USP34: variants seen among roughly 807,000 people sequenced by gnomAD.
The protein encoded by USP34 is ubiquitin specific peptidase 34.
Under a neutral mutation model 460.3 loss-of-function variants are expected in USP34, and 70 were observed. The ratio of observed to expected loss-of-function variants is 0.15; its 90% CI spans 0.13 to 0.19. USP34 has a LOEUF of 0.19. Among genes scored for constraint, USP34 ranks in the 10% least tolerant of loss-of-function variants. USP34 has a pLI of 1.00. For synonymous variants in USP34, 1,647 were observed against 1,405.3 expected (o/e 1.17, Z -3.85); for missense variants, 3,985 against 4,236.2 (o/e 0.94, Z 1.65).
chr2:61,223,237 G>A lies in USP34; in HGVS notation c.7644+11C>T, dbSNP rs1378217573. ...GATGATCAAATTGTCTAATATTAGAGAATGTACTACCTTTCCTCCTGTTAA... is the reference window on the plus strand; with the variant it reads ...GATGATCAAATTGTCTAATATTAGAAAATGTACTACCTTTCCTCCTGTTAA... On this transcript the variant is annotated intron_variant, in intron 63 of 79. Transcript: ENST00000398571. 1 of 1,613,700 alleles carries A rather than the reference G, an allele frequency of 6.2e-7. No individual in the cohort carries two copies. Among genetic ancestry groups the A allele is most frequent in the East Asian group, 2.2e-5 (1 of 44,856 alleles).
chr2:61,400,070 A>C (rs987976256), intron 3 of USP34, among the ~76,000 whole-genome samples: 2 of 125,622 alleles, frequency 1.6e-5, no homozygotes, highest in African/African-American at 5.9e-5. Flanking sequence ...TTAAAAGAGA[A>C]AACAGAGAGA....
chr2:61,431,181 G>T (rs1017066704), intron 1 of USP34, among the ~76,000 whole-genome samples: 6 of 152,076 alleles, frequency 3.9e-5, no homozygotes, highest in African/African-American at 1.2e-4. Context: ...TAGTACTGCA[G>T]GATGACTATT....
intron 10 of USP34, among the ~76,000 whole-genome samples, chr2:61,351,304 CT>C (rs1179728434): frequency 6.6e-6 from 1 of 151,986 alleles, no homozygotes; most frequent in African/African-American, 2.4e-5. Context: ...TTATATAATG[CT>C]TTTATTTTAC....
At chr2:61,441,802 C>CAAAAAAAAAAA (rs70963429) in intron 1 of USP34, among the ~76,000 whole-genome samples, 10 of 97,332 alleles carry the variant, frequency 1.0e-4, no homozygotes, top group African/African-American at 1.2e-4. Context: ...GACTGCATTA[C>CAAAAAAAAAAA]AAAAAAAAAA....
At chr2:61,194,491 C>T (rs938449119) in intron 75 of USP34, among the ~76,000 whole-genome samples, 2 of 152,198 alleles carry the variant, frequency 1.3e-5, no homozygotes, top group Non-Finnish European at 2.9e-5. Context: ...GACTTGTGAG[C>T]TAAGAATGGC....
At chr2:61,440,557 G>A (rs536443990) in intron 1 of USP34, among the ~76,000 whole-genome samples, 9 of 143,322 alleles carry the variant, frequency 6.3e-5, no homozygotes, top group East Asian at 2.1e-4. Context: ...TGCTCTTCTC[G>A]TCCAGGCTGG....
At chr2:61,387,010 G>A (rs1427398312) in intron 5 of USP34, among the ~76,000 whole-genome samples, 1 of 152,028 alleles carries the variant, frequency 6.6e-6, no homozygotes, top group East Asian at 1.9e-4. Context: ...TACCTAAAAA[G>A]ACGTCTATCT....
At chr2:61,199,060 C>T (rs530212522) in intron 75 of USP34, among the ~76,000 whole-genome samples, 3 of 152,218 alleles carry the variant, frequency 2.0e-5, no homozygotes, top group Non-Finnish European at 4.4e-5. Context: ...AACATTTTCC[C>T]AATTAGCTGT....
intron 8 of USP34, among the ~76,000 whole-genome samples, chr2:61,372,060 T>G (rs1191795549): frequency 6.6e-6 from 1 of 151,992 alleles, no homozygotes; most frequent in Admixed American, 6.6e-5. Context: ...ATAAAATGGG[T>G]GGAAGAAAAT....
At chr2:61,246,532 T>A (rs1028263264) in intron 49 of USP34, 55 bp from the exon 50 acceptor site, 1 of 1,179,576 alleles carries the variant, frequency 8.5e-7, no homozygotes, top group African/African-American at 1.6e-5. Context: ...AACAGTTACT[T>A]AGAAACACTT....
rs573771598 is a variant in USP34 at position 61,229,464 on chromosome 2, A to C, written c.7199+84T>G. The C allele has an allele frequency of 1.2e-3, 790 of 635,486 alleles. 8 individuals carry two copies. The highest frequency in any genetic ancestry group is 0.012 in the African/African-American group (548 of 45,174). The allele number at this position is 635,486 out of a possible 1,614,324, so 39.4% of individuals were successfully genotyped here. Reference sequence around the variant, plus strand: ...TGAAGAAACCCTATCTCTTAAAAAAAAAAAAAAAAAACAAAAAAAAAAAAC... The same window carrying C: ...TGAAGAAACCCTATCTCTTAAAAAACAAAAAAAAAAACAAAAAAAAAAAAC... On this transcript the variant is annotated intron_variant, in intron 59 of 79. Coordinates refer to ENST00000398571, the MANE Select transcript of USP34 (RefSeq NM_014709.4).
At chr2:61,353,860 A>G (rs531718074) in intron 10 of USP34, among the ~76,000 whole-genome samples, 8 of 152,344 alleles carry the variant, frequency 5.3e-5, no homozygotes, top group African/African-American at 1.9e-4. Flanking sequence ...GAAATTATGG[A>G]AATGAAAGGT....
intron 29 of USP34, among the ~76,000 whole-genome samples, chr2:61,300,237 G>C (rs942053404): frequency 6.6e-6 from 1 of 152,002 alleles, no homozygotes; most frequent in Non-Finnish European, 1.5e-5. Context: ...TCACGATGAC[G>C]CAAAAGGTTT....
intron 32 of USP34, among the ~76,000 whole-genome samples, chr2:61,294,147 C>T (rs1330813818): frequency 6.6e-6 from 1 of 152,028 alleles, no homozygotes; most frequent in African/African-American, 2.4e-5. Context: ...AGATCAAGAC[C>T]ATCCTGGCTA....
intron 27 of USP34, among the ~76,000 whole-genome samples, chr2:61,302,633 T>C (rs1246140233): frequency 2.0e-5 from 3 of 152,242 alleles, no homozygotes; most frequent in Non-Finnish European, 4.4e-5. Context: ...AAAGGGGTTT[T>C]TCTTTCCCCA....
intron 57 of USP34, among the ~76,000 whole-genome samples, 161 bp from the exon 58 acceptor site, chr2:61,232,693 T>A (rs1687942101): frequency 2.0e-5 from 3 of 152,134 alleles, no homozygotes; most frequent in African/African-American, 7.2e-5. Context: ...TCTAAAATCA[T>A]AATAAGGGTT....
chr2:61,436,782 T>A (rs1027377239), intron 1 of USP34, among the ~76,000 whole-genome samples: 1 of 152,170 alleles, frequency 6.6e-6, no homozygotes, highest in Non-Finnish European at 1.5e-5. Flanking sequence ...TGACCATATT[T>A]TAGGACATAA....
chr2:61,295,321 AACTTACTCAG>A, intron 30 of USP34, 31 bp from the exon 31 acceptor site: 1 of 1,565,992 alleles, frequency 6.4e-7, no homozygotes, highest in Non-Finnish European at 8.6e-7. Flanking sequence ...TTCTCAAGCC[AACTTACTCAG>A]GGAACACAAA....
rs149589412 is a variant in USP34 at position 61,370,302 on chromosome 2, T to C, written c.1251+19A>G. 3 of 1,609,640 alleles carry C rather than the reference T, an allele frequency of 1.9e-6. No homozygotes were observed. The highest frequency in any genetic ancestry group is 1.3e-5 in the African/African-American group (1 of 74,900). ...TATGATAAGCAAAGCACTCAATAAA[T>C]GTGAGCTGTTAATATTACCTGTGCT... is the stretch of plus-strand genomic sequence containing the variant. On this transcript the variant is annotated intron_variant, in intron 10 of 79. Coordinates refer to ENST00000398571, the MANE Select transcript of USP34 (RefSeq NM_014709.4).
Sources: allele counts gnomAD v4.1 joint callset (sites outside exome capture counted in the v4.1 genomes callset), GRCh38; gene constraint gnomAD v4.1.1; transcripts MANE v1.5; gene names NCBI Gene and HGNC (gene_info 2026-07-23, HGNC 2026-07-21).